Variants in ANK2 observed in about 807,000 individuals in gnomAD.
ANK2 encodes ankyrin 2.
In ANK2, 83 loss-of-function variants were observed where a neutral mutation model predicts 360.5. That is an observed-to-expected ratio of 0.23 (90% CI 0.19 to 0.28). The LOEUF (loss-of-function observed/expected upper bound fraction) is 0.28, where lower values mean the gene tolerates loss of function less well. ANK2 is among the 10% of genes least tolerant of loss of function. The pLI, the probability that ANK2 is intolerant of heterozygous loss-of-function variation, is 1.00. For synonymous variants in ANK2, 1,740 were observed against 1,759.5 expected (o/e 0.99, Z 0.28); for missense variants, 4,201 against 4,795.7 (o/e 0.88, Z 3.66).
At chr4:113,129,035 C>G (rs897838216) in intron 1 of ANK2, among the ~76,000 whole-genome samples, 4 of 152,146 alleles carry the variant, frequency 2.6e-5, no homozygotes, top group African/African-American at 9.7e-5. Flanking sequence ...TGGGGCATAT[C>G]AACCTGAAGC....
chr4:113,230,340 A>G (rs549892076), intron 4 of ANK2, among the ~76,000 whole-genome samples: 115 of 152,250 alleles, frequency 7.6e-4, no homozygotes, highest in Non-Finnish European at 1.4e-3. Flanking sequence ...TACAATGTAT[A>G]CAGAAGAATT....
Position 113,049,808 on chromosome 4 carries a change from A to G in ANK2, c.80A>G (p.Lys27Arg). 2 of 1,613,726 alleles carry G rather than the reference A, an allele frequency of 1.2e-6. No homozygotes were observed. Among genetic ancestry groups the G allele is most frequent in the South Asian group, 1.1e-5 (1 of 91,064 alleles). ...AGTAGTCAGAGGAGAAAAAGACCCA[A>G]GAAGGTAAATCGCCGGAATTAGGAA... ...NGSSQRRKRP[K>R]KSDSNASFLR... The change falls in exon 1 of 46, where the codon AAG (lysine) becomes AGG (arginine). Residue 27 changes from lysine to arginine, a missense_variant. Lys to Arg is a conservative substitution (Grantham distance 26, BLOSUM62 2). This residue lies in a region of ANK2 where 169 missense variants were observed against 191.1 expected (regional missense o/e 0.88). Transcript: ENST00000357077.
At chr4:112,944,695 G>GA (rs1298949452) in intron 2 of ANK2, among the ~76,000 whole-genome samples, 4 of 151,856 alleles carry the variant, frequency 2.6e-5, no homozygotes, top group South Asian at 2.1e-4. Context: ...GTTTAGCATA[G>GA]AAAAAAAATG....
intron 36 of ANK2, 125 bp from the exon 37 acceptor site, chr4:113,350,103 G>T (rs2095305265): frequency 1.2e-6 from 1 of 814,428 alleles, no homozygotes; most frequent in South Asian, 1.7e-5. Flanking sequence ...AAATTACTCT[G>T]ACCTTCCTAT....
chr4:113,288,963 G>A (rs1017282865), intron 20 of ANK2, among the ~76,000 whole-genome samples: 4 of 152,302 alleles, frequency 2.6e-5, no homozygotes, highest in African/African-American at 9.6e-5. Context: ...TGGGCTGGAA[G>A]TTCTCAAGGA....
intron 1 of ANK2, among the ~76,000 whole-genome samples, chr4:113,064,201 T>C (rs2074705724): frequency 6.6e-6 from 1 of 152,168 alleles, no homozygotes; most frequent in Non-Finnish European, 1.5e-5. Flanking sequence ...TAATTTTTCT[T>C]TTTAGGAATT....
chr4:112,822,239 A>T (rs1416362401), intron 1 of ANK2, among the ~76,000 whole-genome samples: 1 of 103,554 alleles, frequency 9.7e-6, no homozygotes, highest in East Asian at 2.2e-4. Flanking sequence ...TGTCTCTACT[A>T]AAAAAAAAAA....
Position 113,373,126 on chromosome 4 carries a change from A to G in ANK2, c.11647A>G (p.Thr3883Ala), listed in dbSNP as rs1185805940. The change falls in exon 44 of 46, where the codon ACA becomes GCA. Residue 3883 changes from threonine to alanine, a missense_variant. Around this residue, in one of 4 missense-constraint regions of ANK2, gnomAD observed 2,642 missense variants for 2,714.5 expected, o/e 0.97. Transcript: ENST00000357077. Reference sequence around the variant, plus strand: ...GCCTGAAATACCCCCAGAAACAGTCACAGAAGAAGAATACATTGATGAGCA... The same window carrying G: ...GCCTGAAATACCCCCAGAAACAGTCGCAGAAGAAGAATACATTGATGAGCA... The part of the protein sequence containing the change: ...DMPEIPPETV[T>A]EEEYIDEHGH... 1 of 1,614,054 alleles carries G rather than the reference A, an allele frequency of 6.2e-7. No individual in the cohort carries two copies. Among genetic ancestry groups the G allele is most frequent in the Non-Finnish European group, 8.5e-7 (1 of 1,180,002 alleles).
intron 4 of ANK2, among the ~76,000 whole-genome samples, chr4:113,208,461 A>G (rs1004776108): frequency 2.6e-5 from 4 of 151,950 alleles, no homozygotes; most frequent in South Asian, 2.1e-4. Context: ...ATGCAACACT[A>G]TAATATAAAA....
chr4:113,124,957 C>T lies in ANK2; in HGVS notation c.85-49459C>T, dbSNP rs2095575553. ...CCAGGCCAGGCAGCATAGAGAGATC[C>T]CCATCTCTTTTAAAAAAAAATCAGA... On this transcript the variant is annotated intron_variant, in intron 1 of 45. Transcript: ENST00000357077. Among the ~76,000 whole-genome samples, 4 of 151,850 alleles carry T rather than the reference C, an allele frequency of 2.6e-5. No individual in the cohort carries two copies. The South Asian group carries it at 6.2e-4, about 24-fold the overall frequency.
At chr4:112,826,991 TG>T in intron 1 of ANK2, 1 of 1,523,938 alleles carries the variant, frequency 6.6e-7, no homozygotes, top group Non-Finnish European at 9.1e-7. Context: ...TTCTTTTTAT[TG>T]GAGTTCTACA....
chr4:112,997,361 T>C (rs2048923281), intron 2 of ANK2, among the ~76,000 whole-genome samples: 1 of 152,156 alleles, frequency 6.6e-6, no homozygotes, highest in Non-Finnish European at 1.5e-5. Context: ...TTGTGAAATT[T>C]CTGACTGACC....
intron 26 of ANK2, among the ~76,000 whole-genome samples, chr4:113,329,149 G>A (rs1170370268): frequency 3.9e-5 from 6 of 152,290 alleles, no homozygotes; most frequent in Non-Finnish European, 5.9e-5. Flanking sequence ...CTTTGTATAC[G>A]TATACACAAC....
intron 4 of ANK2, among the ~76,000 whole-genome samples, chr4:113,231,577 CTG>C (rs939531010): frequency 2.6e-5 from 4 of 151,456 alleles, no homozygotes; most frequent in Non-Finnish European, 4.4e-5. Context: ...TATACAGATA[CTG>C]AGATACCAAA....
At chr4:113,004,878 G>A (rs186594359) in intron 2 of ANK2, among the ~76,000 whole-genome samples, 114 of 152,258 alleles carry the variant, frequency 7.5e-4, no homozygotes, top group Middle Eastern at 3.4e-3. Context: ...TAACCTTTAA[G>A]ACTGCTGCCA....
At chr4:113,352,991 C>A in intron 37 of ANK2, 54 bp from the exon 38 acceptor site, 1 of 1,589,190 alleles carries the variant, frequency 6.3e-7, no homozygotes, top group South Asian at 1.1e-5. Flanking sequence ...TTACATTTGC[C>A]AATATCTTTT....
chr4:112,737,521 G>A, the ANK2 span, among the ~76,000 whole-genome samples: 1 of 152,212 alleles, frequency 6.6e-6, no homozygotes, highest in African/African-American at 2.4e-5. Flanking sequence ...TCTGAGATTT[G>A]TGCAGGACTT....
chr4:113,115,151 T>A (rs950025693), intron 1 of ANK2, among the ~76,000 whole-genome samples: 6 of 152,186 alleles, frequency 3.9e-5, no homozygotes, highest in African/African-American at 1.4e-4. Context: ...AGGTATGCTA[T>A]GTCAAGTGGT....
intron 1 of ANK2, among the ~76,000 whole-genome samples, chr4:112,880,007 G>T (rs187425859): frequency 1.7e-3 from 264 of 152,074 alleles, no homozygotes; most frequent in Non-Finnish European, 2.7e-3. Flanking sequence ...CAGCAAAAGT[G>T]ATATGGCCTT....
Sources: allele counts gnomAD v4.1 joint callset (sites outside exome capture counted in the v4.1 genomes callset), GRCh38; gene constraint gnomAD v4.1.1; regional missense constraint gnomAD v4.1.1; transcripts MANE v1.5; gene names NCBI Gene and HGNC (gene_info 2026-07-23, HGNC 2026-07-21).